RAP1A: variants seen among roughly 807,000 people sequenced by gnomAD.
RAP1A encodes RAP1A, member of RAS oncogene family, also known as ras-related protein Rap-1A.
Under a neutral mutation model 26.4 loss-of-function variants are expected in RAP1A, and 6 were observed. The ratio of observed to expected loss-of-function variants is 0.23; its 90% CI spans 0.12 to 0.45. RAP1A has a LOEUF of 0.45. Ranked by LOEUF, RAP1A falls within the 20% of genes least tolerant of loss-of-function variation. The pLI, the probability that RAP1A is intolerant of heterozygous loss-of-function variation, is 0.99. For missense variants in RAP1A, 121 were observed against 217.2 expected, an observed-to-expected ratio of 0.56 and a Z score of 2.78; for synonymous variants, 73 against 79.4, an observed-to-expected ratio of 0.92 and a Z score of 0.43.
intron 1 of RAP1A, among the ~76,000 whole-genome samples, chr1:111,669,336 C>G (rs1660904786): frequency 6.6e-6 from 1 of 152,136 alleles, no homozygotes; most frequent in South Asian, 2.1e-4. Flanking sequence ...TGAGATTTGA[C>G]TATGTGACAA....
At chr1:111,579,148 G>A (rs1301887184) in intron 1 of RAP1A, among the ~76,000 whole-genome samples, 2 of 152,132 alleles carry the variant, frequency 1.3e-5, no homozygotes, top group Non-Finnish European at 2.9e-5. Context: ...AGAGCTTGAT[G>A]TTCAGCAACA....
At chr1:111,568,378 G>C (rs925204427) in intron 1 of RAP1A, among the ~76,000 whole-genome samples, 4 of 152,066 alleles carry the variant, frequency 2.6e-5, no homozygotes, top group Admixed American at 6.5e-5. Context: ...ACCCACACGT[G>C]GTGGGGAGGA....
chr1:111,620,335 A>G (rs1659153103), intron 1 of RAP1A, among the ~76,000 whole-genome samples: 1 of 152,196 alleles, frequency 6.6e-6, no homozygotes, highest in African/African-American at 2.4e-5. Context: ...TCACTGCCTG[A>G]GAGAAGTAGA....
At chr1:111,657,230 A>C (rs1660489960) in intron 1 of RAP1A, among the ~76,000 whole-genome samples, 1 of 152,244 alleles carries the variant, frequency 6.6e-6, no homozygotes, top group African/African-American at 2.4e-5. Context: ...GGAACATTTT[A>C]TATCTTTCCC....
chr1:111,550,149 A>T (rs1442898691), intron 1 of RAP1A, among the ~76,000 whole-genome samples: 1 of 151,888 alleles, frequency 6.6e-6, no homozygotes, highest in African/African-American at 2.4e-5. Flanking sequence ...AATTCTTTTT[A>T]TTTCTTTAAG....
chr1:111,696,896 T>C (rs1661848190), intron 3 of RAP1A, among the ~76,000 whole-genome samples: 1 of 152,212 alleles, frequency 6.6e-6, no homozygotes, highest in African/African-American at 2.4e-5. Context: ...AGCTCATTGC[T>C]GTTTATTTTA....
intron 1 of RAP1A, among the ~76,000 whole-genome samples, chr1:111,545,212 A>G (rs1165468247): frequency 6.6e-6 from 1 of 152,116 alleles, no homozygotes; most frequent in Admixed American, 6.5e-5. Flanking sequence ...ACTGTTTTCC[A>G]TAGCAGCTGC....
Position 111,704,444 on chromosome 1 carries a change from C to G in RAP1A, c.426C>G (p.Ala142=). 1 of 1,613,676 alleles carries G rather than the reference C, an allele frequency of 6.2e-7. No individual in the cohort carries two copies. The highest frequency in any genetic ancestry group is 1.1e-5 in the South Asian group (1 of 91,066). ...TAGCAAGACAGTGGTGTAACTGTGCCTTTTTAGAATCTTCTGCAAAGTCAA... is the reference window on the plus strand; with the variant it reads ...TAGCAAGACAGTGGTGTAACTGTGCGTTTTTAGAATCTTCTGCAAAGTCAA... ...QNLARQWCNC[A]FLESSAKSKI... The change falls in exon 6 of 8, where the codon GCC becomes GCG. Residue 142 remains alanine (A), a synonymous_variant. Coordinates refer to ENST00000369709, the MANE Select transcript of RAP1A (RefSeq NM_002884.4).
chr1:111,559,083 A>C (rs531350403), intron 1 of RAP1A, among the ~76,000 whole-genome samples: 2 of 152,184 alleles, frequency 1.3e-5, no homozygotes, highest in African/African-American at 4.8e-5. Context: ...TTTAAAAAAC[A>C]TGTATTTAAA....
In RAP1A at chr1:111,543,373, G is replaced by A. The variant is rs547826678; in HGVS notation, c.-28+864G>A. The stretch of plus-strand genomic sequence containing the variant: ...TTCCAGGGAGATTCGCTGCCAAAAG[G>A]GAAAAACCATCCTGTCTGGTCTCAC... On this transcript the variant is annotated intron_variant, in intron 1 of 7. Coordinates refer to the RAP1A transcript ENST00000356415. Among the ~76,000 whole-genome samples the A allele has an allele frequency of 4.6e-5, 7 of 152,078 alleles. No homozygotes were observed. The East Asian group carries it at 1.4e-3, about 29-fold the overall frequency.
chr1:111,637,996 G>A (rs1659773575), intron 1 of RAP1A, among the ~76,000 whole-genome samples: 1 of 151,740 alleles, frequency 6.6e-6, no homozygotes, highest in South Asian at 2.1e-4. Flanking sequence ...TTTCCCCAAG[G>A]ACAGCCACCA....
At chr1:111,644,016 A>G (rs1272938771) in intron 1 of RAP1A, among the ~76,000 whole-genome samples, 1 of 152,138 alleles carries the variant, frequency 6.6e-6, no homozygotes, top group African/African-American at 2.4e-5. Context: ...TTTTCAACTG[A>G]TTGGATGAGG....
chr1:111,543,914 G>A (rs1055608130), intron 1 of RAP1A, among the ~76,000 whole-genome samples: 1 of 152,132 alleles, frequency 6.6e-6, no homozygotes, highest in Non-Finnish European at 1.5e-5. Context: ...CAAAGATGGG[G>A]CTCTCTTCTT....
chr1:111,692,973 T>G (rs1014097918), intron 2 of RAP1A, among the ~76,000 whole-genome samples: 1 of 152,200 alleles, frequency 6.6e-6, no homozygotes, highest in Non-Finnish European at 1.5e-5. Context: ...ATGAATTACC[T>G]TTTCAAAAAT....
At chr1:111,615,786 G>T (rs539440591), upstream of RAP1A, among the ~76,000 whole-genome samples, 11 of 147,202 alleles carry the variant, frequency 7.5e-5, no homozygotes, top group African/African-American at 2.5e-4. Context: ...AGCCAAGACC[G>T]TGCCACTGCA....
At chr1:111,604,060 G>A (rs1037011707) in intron 1 of RAP1A, among the ~76,000 whole-genome samples, 5 of 152,220 alleles carry the variant, frequency 3.3e-5, no homozygotes, top group African/African-American at 7.2e-5. Flanking sequence ...ATGCAAAGCA[G>A]GCTCCAGTGG....
At chr1:111,648,565 C>G in intron 1 of RAP1A, 1 of 556,676 alleles carries the variant, frequency 1.8e-6, no homozygotes, top group Non-Finnish European at 3.4e-6. Context: ...AGCAGGATCC[C>G]GTTTAGCTGC....
rs567256089 is a variant in RAP1A at position 111,681,397 on chromosome 1, C to T, written c.-27-9937C>T. ...GCTTCAGAAGGTGGATAATAACAAA[C>T]TCTTCCAAGCTAAAGTGCATGTTCT... On this transcript the variant is annotated intron_variant, in intron 1 of 7. Coordinates refer to ENST00000369709, the MANE Select transcript of RAP1A (RefSeq NM_002884.4). Among the ~76,000 whole-genome samples the T allele has an allele frequency of 4.6e-5, 7 of 152,284 alleles. No homozygotes were observed. In the South Asian group the frequency reaches 6.2e-4, roughly 14 times the overall value.
At chr1:111,546,902 A>G (rs1212989866) in intron 1 of RAP1A, among the ~76,000 whole-genome samples, 1 of 152,162 alleles carries the variant, frequency 6.6e-6, no homozygotes, top group African/African-American at 2.4e-5. Flanking sequence ...TTCCCAAGGA[A>G]TTTAATTTCT....
Sources: allele counts gnomAD v4.1 joint callset (sites outside exome capture counted in the v4.1 genomes callset), GRCh38; gene constraint gnomAD v4.1.1; transcripts MANE v1.5; gene names NCBI Gene and HGNC (gene_info 2026-07-23, HGNC 2026-07-21).